NELL2: variants seen among roughly 807,000 people sequenced by gnomAD.
NELL2 encodes neural EGFL like 2.
Under a neutral mutation model 109.6 loss-of-function variants are expected in NELL2, and 41 were observed. The observed-to-expected ratio is 0.37, with a 90% confidence interval of 0.29 to 0.49. The LOEUF is 0.49. Among genes scored for constraint, NELL2 ranks in the 20% least tolerant of loss-of-function variants. The pLI is 0.98. For synonymous variants in NELL2, 355 were observed against 344.7 expected (o/e 1.03, Z -0.33); for missense variants, 900 against 1,008.3 (o/e 0.89, Z 1.45).
At chr12:44,783,618 A>C (rs1449925315) in intron 3 of NELL2, among the ~76,000 whole-genome samples, 1 of 151,972 alleles carries the variant, frequency 6.6e-6, no homozygotes, top group Non-Finnish European at 1.5e-5. Context: ...TCAAAAACAC[A>C]ACTTACAGAA....
chr12:44,867,931 C>T (rs369112849), intron 2 of NELL2, among the ~76,000 whole-genome samples: 47 of 152,020 alleles, frequency 3.1e-4, no homozygotes, highest in African/African-American at 1.1e-3. Flanking sequence ...ACTGGCCTGG[C>T]CAACATGGTG....
chr12:44,581,132 C>A (rs1056433885), intron 15 of NELL2, among the ~76,000 whole-genome samples: 1 of 152,042 alleles, frequency 6.6e-6, no homozygotes, highest in African/African-American at 2.4e-5. Flanking sequence ...TCAGGCCTTT[C>A]AGTGAATAAA....
Position 44,526,982 on chromosome 12 carries a change from C to G in NELL2, c.1805-3498G>C, listed in dbSNP as rs190094538. Among the ~76,000 whole-genome samples the G allele has an allele frequency of 3.9e-5, 6 of 152,310 alleles. No individual in the cohort carries two copies. The East Asian group carries it at 1.2e-3, about 29-fold the overall frequency. On this transcript the variant is annotated intron_variant, in intron 16 of 19. Coordinates refer to ENST00000429094, the MANE Select transcript of NELL2 (RefSeq NM_001145108.2). ...CGTAGTACGGTATTTAGAGCTACCTCTTGTTTGCAATCATTTTCCCTATCT... is the reference window on the plus strand; with the variant it reads ...CGTAGTACGGTATTTAGAGCTACCTGTTGTTTGCAATCATTTTCCCTATCT...
chr12:44,626,880 G>A (rs1367241107), intron 13 of NELL2, among the ~76,000 whole-genome samples: 1 of 152,092 alleles, frequency 6.6e-6, no homozygotes, highest in African/African-American at 2.4e-5. Flanking sequence ...AATGAATTTC[G>A]ATTTTACAGA....
intron 15 of NELL2, among the ~76,000 whole-genome samples, chr12:44,546,484 A>G (rs1214276250): frequency 1.3e-5 from 2 of 152,172 alleles, no homozygotes; most frequent in East Asian, 1.9e-4. Flanking sequence ...AGATAATTGA[A>G]GGGAAAAATA....
intron 13 of NELL2, among the ~76,000 whole-genome samples, chr12:44,620,555 T>C (rs1011667374): frequency 6.6e-6 from 1 of 152,002 alleles, no homozygotes; most frequent in African/African-American, 2.4e-5. Context: ...CAGATAAACA[T>C]TCAGGTCATC....
intron 2 of NELL2, among the ~76,000 whole-genome samples, chr12:44,822,744 C>T (rs1943586047): frequency 2.0e-5 from 3 of 152,190 alleles, no homozygotes; most frequent in Admixed American, 2.0e-4. Context: ...ACTAAGAAAA[C>T]AACCCACAGC....
chr12:44,869,091 T>C (rs892183904), intron 2 of NELL2, among the ~76,000 whole-genome samples: 1 of 152,038 alleles, frequency 6.6e-6, no homozygotes, highest in South Asian at 2.1e-4. Flanking sequence ...CTAAAACAGG[T>C]ATGAGAAAGG....
intron 12 of NELL2, among the ~76,000 whole-genome samples, chr12:44,702,498 T>C (rs369089843): frequency 6.6e-6 from 1 of 152,206 alleles, no homozygotes; most frequent in African/African-American, 2.4e-5. Context: ...ATTTGTATCA[T>C]GTAGTTTCAT....
At chr12:44,691,638 G>A (rs2136396119) in intron 12 of NELL2, among the ~76,000 whole-genome samples, 1 of 152,262 alleles carries the variant, frequency 6.6e-6, no homozygotes, top group African/African-American at 2.4e-5. Context: ...GAGCCAGTTA[G>A]CCAAGTTGTA....
At chr12:44,679,736 C>T (rs564155039) in intron 12 of NELL2, among the ~76,000 whole-genome samples, 21 of 152,248 alleles carry the variant, frequency 1.4e-4, no homozygotes, top group Admixed American at 1.3e-3. Context: ...TATAAGCCTC[C>T]TGTTGTAGAA....
chr12:44,552,253 A>G (rs1476696209), intron 15 of NELL2, among the ~76,000 whole-genome samples: 2 of 152,186 alleles, frequency 1.3e-5, no homozygotes, highest in African/African-American at 4.8e-5. Context: ...TTTAATTGGT[A>G]ACTTTGGATT....
intron 19 of NELL2, among the ~76,000 whole-genome samples, chr12:44,512,974 T>C (rs1403393492): frequency 6.6e-6 from 1 of 152,036 alleles, no homozygotes; most frequent in Non-Finnish European, 1.5e-5. Context: ...TTTTGAATGT[T>C]CCCACCACAA....
intron 12 of NELL2, among the ~76,000 whole-genome samples, chr12:44,666,284 A>C (rs573244570): frequency 3.9e-5 from 6 of 152,224 alleles, no homozygotes; most frequent in Non-Finnish European, 5.9e-5. Flanking sequence ...CATAAGAAGC[A>C]CTGCTACTCA....
intron 15 of NELL2, among the ~76,000 whole-genome samples, chr12:44,587,560 T>C (rs1944573222): frequency 6.6e-6 from 1 of 152,068 alleles, no homozygotes; most frequent in South Asian, 2.1e-4. Context: ...GTAGGATTAA[T>C]ACATAGAATC....
chr12:44,775,068 C>T (rs898772607), intron 8 of NELL2, among the ~76,000 whole-genome samples: 1 of 152,194 alleles, frequency 6.6e-6, no homozygotes, highest in Non-Finnish European at 1.5e-5. Context: ...GTGGCCAGAG[C>T]TCCCAGGTAG....
chr12:44,738,878 T>G (rs902599527), intron 9 of NELL2, among the ~76,000 whole-genome samples: 1 of 152,142 alleles, frequency 6.6e-6, no homozygotes, highest in Non-Finnish European at 1.5e-5. Context: ...AGTGAATCAT[T>G]TTGCAATGTA....
At chr12:44,634,538 A>AT (rs1187953595) in intron 13 of NELL2, among the ~76,000 whole-genome samples, 1 of 152,114 alleles carries the variant, frequency 6.6e-6, no homozygotes, top group Non-Finnish European at 1.5e-5. Context: ...TCCATGGTGT[A>AT]TAAGTGCCCA....
intron 2 of NELL2, among the ~76,000 whole-genome samples, chr12:44,833,916 A>T (rs1943966466): frequency 1.3e-5 from 2 of 152,184 alleles, no homozygotes; most frequent in Non-Finnish European, 2.9e-5. Context: ...ATCGGAGTGG[A>T]GTTTAAAACA....
Sources: gnomAD v4.1 joint callset for allele counts (sites outside exome capture counted in the v4.1 genomes callset) on GRCh38, gnomAD v4.1.1 for gene constraint, MANE v1.5 for transcripts, NCBI Gene and HGNC (gene_info 2026-07-23, HGNC 2026-07-21) for gene names.